The following NEGR1 variants were observed in gnomAD, a reference collection of about 807,000 sequenced individuals.
NEGR1 encodes IgLON family member 4.
A neutral mutation model predicts 40.9 loss-of-function variants in NEGR1; 10 were observed. That is an observed-to-expected ratio of 0.24 (90% CI 0.15 to 0.42). The LOEUF is 0.42. Ranked by LOEUF, NEGR1 falls within the 10% of genes least tolerant of loss-of-function variation. The pLI is 1.00. For missense variants in NEGR1, 352 were observed against 438.9 expected, an observed-to-expected ratio of 0.80 and a Z score of 1.77; for synonymous variants, 185 against 166.8, an observed-to-expected ratio of 1.11 and a Z score of -0.84.
intron 3 of NEGR1, among the ~76,000 whole-genome samples, chr1:71,720,065 A>C (rs969223948): frequency 1.3e-5 from 2 of 152,216 alleles, no homozygotes; most frequent in African/African-American, 4.8e-5. Flanking sequence ...TTAGACTATT[A>C]GGTACTACCA....
In NEGR1 at chr1:71,903,987, A is replaced by T. The variant is rs2554415; in HGVS notation, c.409+31092T>A. 8.5e-3 allele frequency among the ~76,000 whole-genome samples: 1,299 copies of T among 152,070 alleles called. 21 individuals carry two copies. Among genetic ancestry groups the T allele is most frequent in the African/African-American group, 0.03 (1,246 of 41,528 alleles). On this transcript the variant is annotated intron_variant, in intron 2 of 6. Transcript: ENST00000357731. Reference sequence around the variant, plus strand: ...TTCATTCAATAACAATTGATTTATTACTTTCTTTCCCCTATTTACATGATA... The same window carrying T: ...TTCATTCAATAACAATTGATTTATTTCTTTCTTTCCCCTATTTACATGATA...
intron 1 of NEGR1, among the ~76,000 whole-genome samples, chr1:71,985,228 A>G (rs6684905): frequency 0.022 from 3,309 of 152,320 alleles, 112 homozygotes; most frequent in African/African-American, 0.075. Flanking sequence ...AGCAGCCGGA[A>G]GTATAGCAAT....
At chr1:71,431,560 GTTTATCCATTCA>G (rs1646469518) in intron 6 of NEGR1, among the ~76,000 whole-genome samples, 3 of 49,282 alleles carry the variant, frequency 6.1e-5, no homozygotes, top group Non-Finnish European at 1.7e-4. Context: ...CCATCCATCT[GTTTATCCATTCA>G]TTCATTCATT....
chr1:71,464,124 C>G (rs1646730390), intron 6 of NEGR1, among the ~76,000 whole-genome samples: 1 of 152,074 alleles, frequency 6.6e-6, no homozygotes, highest in African/African-American at 2.4e-5. Context: ...TTTTAGTCTT[C>G]TGTCAACAGC....
intron 1 of NEGR1, among the ~76,000 whole-genome samples, chr1:72,126,091 ATGTGTGTGTGTGTGTGTGTG>A (rs67552146): frequency 2.0e-5 from 3 of 146,720 alleles, no homozygotes; most frequent in Admixed American, 6.8e-5. Context: ...AGAGAAAAGT[ATGTGTGTGTGTGTGTGTGTG>A]TGTGTGTGTG....
intron 5 of NEGR1, among the ~76,000 whole-genome samples, chr1:71,601,393 C>T (rs919198317): frequency 1.2e-4 from 18 of 152,166 alleles, no homozygotes; most frequent in Non-Finnish European, 1.6e-4. Flanking sequence ...GTTCAGCTTC[C>T]ATTTAAAACA....
At chr1:71,908,233 A>T in intron 2 of NEGR1, among the ~76,000 whole-genome samples, 1 of 151,924 alleles carries the variant, frequency 6.6e-6, no homozygotes, top group East Asian at 1.9e-4. Context: ...AAAAAAGAAT[A>T]TTGTTTGGTT....
intron 1 of NEGR1, among the ~76,000 whole-genome samples, chr1:71,960,598 T>G: frequency 6.6e-6 from 1 of 152,276 alleles, no homozygotes. Flanking sequence ...AGTTTCAAAT[T>G]AATTATTTTA....
At chr1:71,912,407 T>C (rs927277051) in intron 2 of NEGR1, among the ~76,000 whole-genome samples, 2 of 152,184 alleles carry the variant, frequency 1.3e-5, no homozygotes, top group Admixed American at 6.5e-5. Context: ...TAAAGGATCA[T>C]GTCTCTATTT....
chr1:72,142,484 T>G (rs1168349777), intron 1 of NEGR1, among the ~76,000 whole-genome samples: 1 of 151,704 alleles, frequency 6.6e-6, no homozygotes, highest in Non-Finnish European at 1.5e-5. Context: ...GGCAACAAGA[T>G]AAGCCAATTA....
At chr1:71,616,830 G>C (rs1198180040) in intron 4 of NEGR1, among the ~76,000 whole-genome samples, 2 of 152,178 alleles carry the variant, frequency 1.3e-5, no homozygotes, top group Non-Finnish European at 2.9e-5. Flanking sequence ...AAGGGGAAAA[G>C]ACCCAACAAC....
chr1:71,805,780 A>G (rs1362201657), intron 2 of NEGR1, among the ~76,000 whole-genome samples: 2 of 152,246 alleles, frequency 1.3e-5, no homozygotes, highest in Non-Finnish European at 2.9e-5. Flanking sequence ...TTATTTGAAT[A>G]GCAAATTTTT....
intron 2 of NEGR1, among the ~76,000 whole-genome samples, chr1:71,895,618 T>C (rs1282620447): frequency 6.6e-6 from 1 of 152,094 alleles, no homozygotes; most frequent in Non-Finnish European, 1.5e-5. Flanking sequence ...TATTGTAACA[T>C]ATCAGTACAT....
chr1:71,807,390 T>C (rs967350910), intron 2 of NEGR1, among the ~76,000 whole-genome samples: 1 of 151,758 alleles, frequency 6.6e-6, no homozygotes, highest in Admixed American at 6.6e-5. Context: ...GTCAATCAAA[T>C]AAAGAACAAT....
At chr1:71,410,355 C>T (rs1167064160) in intron 6 of NEGR1, among the ~76,000 whole-genome samples, 1 of 152,076 alleles carries the variant, frequency 6.6e-6, no homozygotes, top group East Asian at 1.9e-4. Flanking sequence ...ACCAGTCGTA[C>T]TCTTTAAATA....
intron 2 of NEGR1, among the ~76,000 whole-genome samples, chr1:71,799,856 G>C (rs1657490442): frequency 6.6e-6 from 1 of 152,084 alleles, no homozygotes; most frequent in African/African-American, 2.4e-5. Context: ...GGGACTACAG[G>C]AGCATGCCAC....
chr1:72,035,462 T>C (rs2100446481), intron 1 of NEGR1, among the ~76,000 whole-genome samples: 1 of 152,182 alleles, frequency 6.6e-6, no homozygotes, highest in East Asian at 1.9e-4. Context: ...GACAGAGGGC[T>C]CAGAAAGCTT....
rs945802188 is a variant in NEGR1 at position 71,399,906 on chromosome 1, G to T, written c.*7540C>A. The T allele has an allele frequency of 6.6e-6, 1 of 152,204 alleles. No individual in the cohort carries two copies. Among genetic ancestry groups the T allele is most frequent in the Non-Finnish European group, 1.5e-5 (1 of 68,004 alleles). The allele number at this position is 152,204 out of a possible 1,614,324, so 9.4% of individuals were successfully genotyped here. ...AAGAGAATTTTGTTCCTTAGCTTTA[G>T]CATATTATAGTCTTCAACGAATATT... On this transcript the variant is annotated 3_prime_UTR_variant, in exon 7 of 7. Coordinates refer to ENST00000357731, the MANE Select transcript of NEGR1 (RefSeq NM_173808.3).
chr1:71,857,467 A>C (rs1411045774), intron 2 of NEGR1, among the ~76,000 whole-genome samples: 1 of 149,162 alleles, frequency 6.7e-6, no homozygotes, highest in Admixed American at 6.7e-5. Flanking sequence ...CAAAAAAAAA[A>C]AAAAAAAAAA....
Sources: allele counts gnomAD v4.1 joint callset (sites outside exome capture counted in the v4.1 genomes callset), GRCh38; gene constraint gnomAD v4.1.1; transcripts MANE v1.5; gene names NCBI Gene and HGNC (gene_info 2026-07-23, HGNC 2026-07-21).